The following SIPA1L1 variants were observed in gnomAD, a reference collection of about 807,000 sequenced individuals.
The protein encoded by SIPA1L1 is signal induced proliferation associated 1 like 1.
A neutral mutation model predicts 162.7 loss-of-function variants in SIPA1L1; 26 were observed. That is an observed-to-expected ratio of 0.16 (90% CI 0.12 to 0.22). SIPA1L1 has a LOEUF of 0.22. Among genes scored for constraint, SIPA1L1 ranks in the 10% least tolerant of loss-of-function variants. SIPA1L1 has a pLI of 1.00. For synonymous variants in SIPA1L1, 829 were observed against 837.4 expected (o/e 0.99, Z 0.17); for missense variants, 1,874 against 2,241.0 (o/e 0.84, Z 3.31).
chr14:71,702,402 C>A lies in SIPA1L1; in HGVS notation c.3543C>A (p.Ser1181=), dbSNP rs755728199. The part of the protein sequence containing the change: ...MPEGFGVSRR[S]PASIDRQNTQ... ...ACAGGTTTGGAGTGAGCCGTAGATC[C>A]CCAGCCTCCATTGACAGGCAGAACA... is the stretch of plus-strand genomic sequence containing the variant. Residue 1181 remains serine (S), a synonymous_variant, in exon 15 of 24, where the codon TCC becomes TCA. Transcript: ENST00000381232. The A allele has an allele frequency of 6.2e-7, 1 of 1,613,974 alleles. No individual in the cohort carries two copies. The highest frequency in any genetic ancestry group is 1.1e-5 in the South Asian group (1 of 91,070).
chr14:71,415,646 A>ATAG (rs1196032382), intron 2 of SIPA1L1, among the ~76,000 whole-genome samples: 1 of 151,922 alleles, frequency 6.6e-6, no homozygotes, highest in Non-Finnish European at 1.5e-5. Flanking sequence ...TCCCTCCAGA[A>ATAG]TAGCTATATG....
chr14:71,438,329 C>T (rs2044568792), intron 2 of SIPA1L1, among the ~76,000 whole-genome samples: 1 of 152,092 alleles, frequency 6.6e-6, no homozygotes, highest in Non-Finnish European at 1.5e-5. Flanking sequence ...GATTGCACGT[C>T]CTTGATGAGT....
In SIPA1L1 at chr14:71,588,545, T is replaced by A; in HGVS notation, c.673T>A (p.Leu225Met). The change falls in exon 5 of 24, where the codon TTG becomes ATG. Residue 225 changes from leucine to methionine, a missense_variant. Leu to Met is a conservative substitution (Grantham distance 15, BLOSUM62 2). This residue lies in a region of SIPA1L1 where 685 missense variants were observed against 828.0 expected (regional missense o/e 0.83). Transcript: ENST00000381232. This position sits in a 1 kb window ranked among gnomAD's most constrained non-coding sequence, Gnocchi z 4.3. Reference protein sequence around the residue: ...QGTSGESFFDLLKGYKDDKSD... With the variant: ...QGTSGESFFDMLKGYKDDKSD... ...AACATCTGGAGAAAGCTTTTTTGATTTGTTAAAGGGCTACAAAGATGACAA... is the reference window on the plus strand; with the variant it reads ...AACATCTGGAGAAAGCTTTTTTGATATGTTAAAGGGCTACAAAGATGACAA... 6.2e-7 allele frequency: 1 copy of A among 1,614,052 alleles called. No homozygotes were observed. The highest frequency in any genetic ancestry group is 8.5e-7 in the Non-Finnish European group (1 of 1,179,974).
intron 8 of SIPA1L1, among the ~76,000 whole-genome samples, chr14:71,655,115 C>G (rs1193612806): frequency 6.6e-6 from 1 of 152,124 alleles, no homozygotes; most frequent in African/African-American, 2.4e-5. Flanking sequence ...AACCCTTCCT[C>G]TCAACCTTCC....
chr14:71,492,576 A>G (rs999843428), intron 2 of SIPA1L1, among the ~76,000 whole-genome samples: 2 of 152,230 alleles, frequency 1.3e-5, no homozygotes, highest in African/African-American at 4.8e-5. Context: ...AGACTTGAAG[A>G]CTGTGTGATA....
At chr14:71,636,611 A>T (rs935205319) in intron 7 of SIPA1L1, among the ~76,000 whole-genome samples, 2 of 152,252 alleles carry the variant, frequency 1.3e-5, no homozygotes, top group Non-Finnish European at 2.9e-5. Flanking sequence ...CAAACCAGTA[A>T]TCTAAGCTCA....
intron 2 of SIPA1L1, among the ~76,000 whole-genome samples, chr14:71,476,395 T>C (rs1461283231): frequency 6.6e-6 from 1 of 152,188 alleles, no homozygotes; most frequent in East Asian, 1.9e-4. Flanking sequence ...AACAGTCATA[T>C]TTTTGTGGCT....
At chr14:71,685,290 G>A (rs1039119697) in intron 12 of SIPA1L1, 72 bp from the exon 13 acceptor site, 3 of 1,512,420 alleles carry the variant, frequency 2.0e-6, no homozygotes, top group Admixed American at 1.7e-5. Context: ...GTGTTAATGA[G>A]AATCAATGTG....
intron 2 of SIPA1L1, among the ~76,000 whole-genome samples, chr14:71,325,596 C>A (rs1352602779): frequency 6.6e-6 from 1 of 152,190 alleles, no homozygotes; most frequent in Non-Finnish European, 1.5e-5. Context: ...AAGATAACCC[C>A]ATTTGCAAAT....
At chr14:71,495,416 A>G (rs1174665287) in intron 2 of SIPA1L1, among the ~76,000 whole-genome samples, 1 of 150,322 alleles carries the variant, frequency 6.7e-6, no homozygotes, top group East Asian at 1.9e-4. Flanking sequence ...CTGTTTTTAT[A>G]TTTTCTTTTA....
rs771351294 is a variant in SIPA1L1, at chr14:71,658,446, C to G, written c.2097+10C>G. On this transcript the variant is annotated intron_variant, in intron 9 of 23. Coordinates refer to ENST00000381232, the MANE Select transcript of SIPA1L1 (RefSeq NM_001386936.1). ...CAACAACAAACAACAGGTAAGAGAT[C>G]CTCCTGTTATCTGTGTTTTCACCCT... is the stretch of plus-strand genomic sequence containing the variant. The G allele has an allele frequency of 4.1e-6, 6 of 1,463,950 alleles. No individual in the cohort carries two copies. Among genetic ancestry groups the G allele is most frequent in the Non-Finnish European group, 5.8e-6 (6 of 1,043,136 alleles). 90.7% of individuals were successfully genotyped at this position (1,463,950 alleles called of 1,614,324 possible).
At chr14:71,466,903 T>C (rs1484377600) in intron 2 of SIPA1L1, among the ~76,000 whole-genome samples, 1 of 152,266 alleles carries the variant, frequency 6.6e-6, no homozygotes, top group Non-Finnish European at 1.5e-5. Context: ...AGTAGTTCTC[T>C]CCATTTAATT....
chr14:71,362,334 A>G (rs2037890061), intron 2 of SIPA1L1, among the ~76,000 whole-genome samples: 1 of 152,152 alleles, frequency 6.6e-6, no homozygotes, highest in South Asian at 2.1e-4. Context: ...GAATAAACCA[A>G]AGGTTCCCTG....
chr14:71,732,474 C>T (rs879680487), intron 20 of SIPA1L1, among the ~76,000 whole-genome samples: 2 of 152,090 alleles, frequency 1.3e-5, no homozygotes, highest in Non-Finnish European at 1.5e-5. Flanking sequence ...CCCAGCAGCC[C>T]GCCCTTCCTG....
At chr14:71,592,597 A>G (rs1417336137) in intron 5 of SIPA1L1, among the ~76,000 whole-genome samples, 2 of 151,368 alleles carry the variant, frequency 1.3e-5, no homozygotes, top group African/African-American at 4.8e-5. Context: ...TGGCTGCCTA[A>G]TGCATTCCTG....
At chr14:71,390,379 C>T (rs1413482656) in intron 2 of SIPA1L1, among the ~76,000 whole-genome samples, 1 of 152,146 alleles carries the variant, frequency 6.6e-6, no homozygotes, top group Admixed American at 6.5e-5. Context: ...GGCAGCCATA[C>T]TCTTGTATCG....
intron 19 of SIPA1L1, 55 bp from the exon 20 acceptor site, chr14:71,730,000 C>T: frequency 6.3e-7 from 1 of 1,575,870 alleles, no homozygotes; most frequent in Non-Finnish European, 8.6e-7. Flanking sequence ...CAACCTTGGT[C>T]TCAGGGATCT....
At position 71,506,878 on chromosome 14, in the gene SIPA1L1, G is replaced by A. The variant is rs193161345; in HGVS notation, c.-464-5865G>A. ...AGGGTCTCGTCTTGTTGCCCAGGGT[G>A]GTCTGGAACTCCTGGGCTCAAGCGT... On this transcript the variant is annotated intron_variant, in intron 2 of 23. Coordinates refer to ENST00000381232, the MANE Select transcript of SIPA1L1 (RefSeq NM_001386936.1). Among the ~76,000 whole-genome samples, 317 of 145,682 alleles carry A rather than the reference G, an allele frequency of 2.2e-3. 1 individual carries two copies. Among genetic ancestry groups the A allele is most frequent in the Non-Finnish European group, 3.6e-3 (241 of 66,872 alleles).
chr14:71,704,972 TG>T (rs1346235226), intron 15 of SIPA1L1: 2 of 621,164 alleles, frequency 3.2e-6, no homozygotes, highest in African/African-American at 3.7e-5. Flanking sequence ...TCATGGCCTT[TG>T]GTTTGGTGGT....
Sources: gnomAD v4.1 joint callset for allele counts (sites outside exome capture counted in the v4.1 genomes callset) on GRCh38, gnomAD v4.1.1 for gene constraint, gnomAD v4.1.1 regional missense constraint, Gnocchi (gnomAD v3.1) non-coding constraint, MANE v1.5 for transcripts, NCBI Gene and HGNC (gene_info 2026-07-23, HGNC 2026-07-21) for gene names.